The following TRAF3IP2 variants were observed in gnomAD, a reference collection of about 807,000 sequenced individuals.
The protein encoded by TRAF3IP2 is TRAF3 interacting protein 2.
TRAF3IP2 carries 35 observed loss-of-function variants against 57.9 expected under a neutral mutation model. The observed-to-expected ratio is 0.60, with a 90% CI of 0.46 to 0.80. The LOEUF (loss-of-function observed/expected upper bound fraction) is 0.80, where lower values mean the gene tolerates loss of function less well. Among genes scored for constraint, TRAF3IP2 ranks in the 30% least tolerant of loss-of-function variants. The pLI is 0.00. For missense variants in TRAF3IP2, 556 were observed against 706.4 expected (o/e 0.79, Z 2.41); for synonymous variants, 251 against 268.9 (o/e 0.93, Z 0.65).
At chr6:111,570,618 C>T (rs190729415) in intron 5 of TRAF3IP2, among the ~76,000 whole-genome samples, 1 of 152,152 alleles carries the variant, frequency 6.6e-6, no homozygotes, top group African/African-American at 2.4e-5. Context: ...CCTATGTGGC[C>T]CCTGGTTGTG....
chr6:111,603,218 A>G (rs1326291807), intron 1 of TRAF3IP2, among the ~76,000 whole-genome samples: 1 of 152,196 alleles, frequency 6.6e-6, no homozygotes, highest in Non-Finnish European at 1.5e-5. Context: ...TAAGTGGGAG[A>G]AAGGACAGCC....
Position 111,563,505 on chromosome 6 carries a change from G to T in TRAF3IP2, c.1477-466C>A, listed in dbSNP as rs73767605. Among the ~76,000 whole-genome samples the T allele has an allele frequency of 1.6e-3, 239 of 152,332 alleles. 2 individuals carry two copies. The highest frequency in any genetic ancestry group is 5.2e-3 in the African/African-American group (215 of 41,580). On this transcript the variant is annotated intron_variant, in intron 7 of 8. Transcript: ENST00000368761. ...CTTCACAAAGCCAGCAGTCTAGTGA[G>T]CAGGCAGAAAGGGAAATTACCAACC... is the stretch of plus-strand genomic sequence containing the variant.
intron 1 of TRAF3IP2, among the ~76,000 whole-genome samples, chr6:111,603,117 G>A (rs144619744): frequency 2.1e-4 from 32 of 151,778 alleles, no homozygotes; most frequent in Middle Eastern, 3.4e-3. Flanking sequence ...CACACAAGGC[G>A]TGCACACACA....
intron 3 of TRAF3IP2, among the ~76,000 whole-genome samples, chr6:111,578,046 C>T (rs532739487): frequency 2.6e-5 from 4 of 152,030 alleles, no homozygotes; most frequent in Non-Finnish European, 5.9e-5. Context: ...TTTCATTATC[C>T]TAAAGTGATA....
intron 8 of TRAF3IP2, 61 bp downstream of exon 8, chr6:111,562,904 C>A: frequency 1.6e-6 from 2 of 1,270,430 alleles, no homozygotes; most frequent in South Asian, 2.6e-5. Context: ...CATTTAAAAT[C>A]CCAGATGGCA....
intron 2 of TRAF3IP2, among the ~76,000 whole-genome samples, chr6:111,590,762 A>G (rs1796486594): frequency 6.6e-6 from 1 of 152,078 alleles, no homozygotes; most frequent in African/African-American, 2.4e-5. Flanking sequence ...AAACAACTTC[A>G]TTTTCATGTA....
chr6:111,572,717 CAG>C, intron 5 of TRAF3IP2, 176 bp downstream of exon 5: 3 of 615,338 alleles, frequency 4.9e-6, no homozygotes, highest in Non-Finnish European at 8.4e-6. Context: ...CTGGAGACTT[CAG>C]ATAGCTTAAA....
At chr6:111,588,648 C>T (rs1796411826) in intron 2 of TRAF3IP2, among the ~76,000 whole-genome samples, 1 of 152,204 alleles carries the variant, frequency 6.6e-6, no homozygotes, top group Non-Finnish European at 1.5e-5. Context: ...GACTGTATCA[C>T]AAAGCCTTAA....
chr6:111,582,695 C>T (rs1372305637), intron 2 of TRAF3IP2, among the ~76,000 whole-genome samples: 4 of 152,160 alleles, frequency 2.6e-5, no homozygotes, highest in Non-Finnish European at 5.9e-5. Context: ...GGGGCCAGCC[C>T]TGCTTTTCAA....
In TRAF3IP2 at chr6:111,559,394, G is replaced by A. The variant is rs1221178139; in HGVS notation, c.*11C>T. 6.2e-7 allele frequency: 1 copy of A among 1,612,146 alleles called. No homozygotes were observed. The highest frequency in any genetic ancestry group is 8.5e-7 in the Non-Finnish European group (1 of 1,179,462). ...CATGGCCTGGCCTCAGTGATCTGGG[G>A]ATGAACGGTGTCACAAGGGAACCAC... On this transcript the variant is annotated 3_prime_UTR_variant, in exon 9 of 9. Transcript: ENST00000368761.
chr6:111,569,298 C>T (rs1288672501), intron 5 of TRAF3IP2, among the ~76,000 whole-genome samples: 1 of 152,198 alleles, frequency 6.6e-6, no homozygotes, highest in Non-Finnish European at 1.5e-5. Flanking sequence ...CCACTTCCCA[C>T]CTGCATGACT....
intron 2 of TRAF3IP2, among the ~76,000 whole-genome samples, chr6:111,589,311 A>C (rs1360047219): frequency 6.6e-6 from 1 of 152,072 alleles, no homozygotes; most frequent in Non-Finnish European, 1.5e-5. Flanking sequence ...TGATCCACCC[A>C]CCTTGGCCTC....
At chr6:111,598,610 A>G (rs1033444842) in intron 1 of TRAF3IP2, among the ~76,000 whole-genome samples, 5 of 152,218 alleles carry the variant, frequency 3.3e-5, no homozygotes, top group African/African-American at 1.2e-4. Flanking sequence ...TTTGTATGAT[A>G]TAAGGTCGTA....
At chr6:111,578,194 T>C (rs1461649414) in intron 3 of TRAF3IP2, among the ~76,000 whole-genome samples, 1 of 152,260 alleles carries the variant, frequency 6.6e-6, no homozygotes, top group Non-Finnish European at 1.5e-5. Context: ...TTCTCTTTCC[T>C]ATTCAACACA....
chr6:111,570,339 A>C (rs1181169682), intron 5 of TRAF3IP2, among the ~76,000 whole-genome samples: 1 of 152,170 alleles, frequency 6.6e-6, no homozygotes, highest in African/African-American at 2.4e-5. Flanking sequence ...TCCTTCTTTG[A>C]CTCTTTAGAC....
rs139162891 is a variant in TRAF3IP2 at position 111,602,492 on chromosome 6, C to T, written c.-9+3284G>A. On this transcript the variant is annotated intron_variant, in intron 1 of 8. Transcript: ENST00000368761. ...AGGGAGAGAAAGGAAGGAAGGAGAA[C>T]GGAAGAGAAGTAAGGAAAGTGGGGA... 1.7e-3 allele frequency among the ~76,000 whole-genome samples: 251 copies of T among 151,868 alleles called. 1 individual carries two copies. Among genetic ancestry groups the T allele is most frequent in the African/African-American group, 4.6e-3 (192 of 41,404 alleles).
chr6:111,594,151 C>T (rs1424296877), intron 1 of TRAF3IP2, among the ~76,000 whole-genome samples: 1 of 99,406 alleles, frequency 1.0e-5, no homozygotes, highest in Non-Finnish European at 2.4e-5. Flanking sequence ...AAAAAATGCT[C>T]ACCATTTTTT....
chr6:111,601,092 T>C (rs1211872193), intron 1 of TRAF3IP2: 3 of 636,940 alleles, frequency 4.7e-6, no homozygotes, highest in African/African-American at 1.8e-5. Context: ...TGCATCTCGG[T>C]TGGGAGCACT....
intron 7 of TRAF3IP2, among the ~76,000 whole-genome samples, chr6:111,564,252 T>G (rs1795549738): frequency 6.6e-6 from 1 of 152,032 alleles, no homozygotes; most frequent in Non-Finnish European, 1.5e-5. Flanking sequence ...AACCATAAGA[T>G]AACACCAAGA....
Sources: gnomAD v4.1 joint callset for allele counts (sites outside exome capture counted in the v4.1 genomes callset) on GRCh38, gnomAD v4.1.1 for gene constraint, MANE v1.5 for transcripts, NCBI Gene and HGNC (gene_info 2026-07-23, HGNC 2026-07-21) for gene names.